The following LDLRAP1 variants were observed in gnomAD, a reference collection of about 807,000 sequenced individuals.
LDLRAP1 encodes low density lipoprotein receptor adapter protein 1.
In LDLRAP1, 30 loss-of-function variants were observed where a neutral mutation model predicts 37.8. The observed-to-expected ratio is 0.79, with a 90% CI of 0.59 to 1.08. The LOEUF is 1.08. LDLRAP1 is among the 50% of genes least tolerant of loss of function. LDLRAP1 has a pLI of 0.00. For synonymous variants in LDLRAP1, 156 were observed against 169.8 expected (o/e 0.92, Z 0.63); for missense variants, 375 against 401.6 (o/e 0.93, Z 0.57).
intron 5 of LDLRAP1, 174 bp from the exon 6 acceptor site, chr1:25,562,896 C>A: frequency 1.2e-6 from 1 of 814,028 alleles, no homozygotes; most frequent in Non-Finnish European, 2.1e-6. Flanking sequence ...AGCCGTCTCC[C>A]TCCCCAAAGG....
chr1:25,547,139 A>G (rs909878611), intron 1 of LDLRAP1, among the ~76,000 whole-genome samples: 1 of 152,160 alleles, frequency 6.6e-6, no homozygotes, highest in African/African-American at 2.4e-5. Context: ...GGCAGGAAAT[A>G]TTGTTAGGAC....
the LDLRAP1 span, among the ~76,000 whole-genome samples, chr1:25,580,128 G>A: frequency 6.6e-6 from 1 of 152,184 alleles, no homozygotes; most frequent in Non-Finnish European, 1.5e-5. Context: ...TACAGAAGAT[G>A]TCTGCTTCTG....
At chr1:25,547,907 G>C (rs1312413122) in intron 1 of LDLRAP1, among the ~76,000 whole-genome samples, 1 of 152,220 alleles carries the variant, frequency 6.6e-6, no homozygotes, top group Non-Finnish European at 1.5e-5. Context: ...TTGAACTGGA[G>C]GCTAGGACTC....
the LDLRAP1 span, among the ~76,000 whole-genome samples, chr1:25,577,540 A>G: frequency 6.6e-6 from 1 of 152,144 alleles, no homozygotes; most frequent in South Asian, 2.1e-4. Context: ...GCCAGAGATG[A>G]GCGTCGAGCC....
chr1:25,545,053 T>G (rs2043900455), intron 1 of LDLRAP1, among the ~76,000 whole-genome samples: 2 of 151,886 alleles, frequency 1.3e-5, no homozygotes. Flanking sequence ...TGGTGGGGGG[T>G]GGGGTCAGAG....
At chr1:25,590,292 A>G in the LDLRAP1 span, 1 of 152,230 alleles carries the variant, frequency 6.6e-6, no homozygotes, top group Non-Finnish European at 1.5e-5. Context: ...TTCCCTGCAG[A>G]CTGGCCTGGT....
chr1:25,563,868 A>C, intron 7 of LDLRAP1, 77 bp downstream of exon 7: 1 of 1,589,580 alleles, frequency 6.3e-7, no homozygotes, highest in Admixed American at 1.7e-5. Flanking sequence ...TCCAGGGACC[A>C]GGCCCTGGGA....
chr1:25,546,278 GCT>G (rs938927527), intron 1 of LDLRAP1, among the ~76,000 whole-genome samples: 6 of 152,164 alleles, frequency 3.9e-5, no homozygotes, highest in Non-Finnish European at 7.3e-5. Flanking sequence ...CTCGAACCCT[GCT>G]CTCAGTTGTG....
At chr1:25,585,113 A>ACG in the LDLRAP1 span, among the ~76,000 whole-genome samples, 2 of 152,086 alleles carry the variant, frequency 1.3e-5, no homozygotes, top group African/African-American at 4.8e-5. Flanking sequence ...GCAGAGCGGT[A>ACG]AGAGTTGAGG....
chr1:25,588,901 T>C, the LDLRAP1 span, among the ~76,000 whole-genome samples: 1 of 152,008 alleles, frequency 6.6e-6, no homozygotes, highest in African/African-American at 2.4e-5. Context: ...GCCTTGAGAG[T>C]GCCATTTCCA....
chr1:25,562,794 G>T, intron 5 of LDLRAP1, 78 bp downstream of exon 5: 1 of 1,291,592 alleles, frequency 7.7e-7, no homozygotes, highest in South Asian at 1.2e-5. Context: ...GACCTGGACC[G>T]ACTTCCTGCC....
Position 25,554,956 on chromosome 1 carries a change from A to G in LDLRAP1, c.328A>G (p.Asn110Asp), listed in dbSNP as rs573247742. The G allele has an allele frequency of 1.9e-6, 3 of 1,614,024 alleles. No homozygotes were observed. The South Asian group carries it at 3.3e-5, about 18-fold the overall frequency. Reference sequence around the variant, plus strand: ...CAACCTCACCAACCAGCTCATTGAGAACGTGTCCATATACAGGTACGCTCA... The same window carrying G: ...CAACCTCACCAACCAGCTCATTGAGGACGTGTCCATATACAGGTACGCTCA... ...TDNLTNQLIENVSIYRISYCT... is the reference protein window; with the variant it reads ...TDNLTNQLIEDVSIYRISYCT... Residue 110 changes from asparagine to aspartate, a missense_variant, in exon 3 of 9, where the codon AAC becomes GAC. Physicochemically the swap from Asn to Asp is conservative, Grantham distance 23. Coordinates refer to ENST00000374338, the MANE Select transcript of LDLRAP1 (RefSeq NM_015627.3). This position sits in a 1 kb window ranked among gnomAD's most constrained non-coding sequence, Gnocchi z 5.4.
At chr1:25,556,850 G>A (rs1323857493) in intron 3 of LDLRAP1, among the ~76,000 whole-genome samples, 1 of 152,228 alleles carries the variant, frequency 6.6e-6, no homozygotes, top group Non-Finnish European at 1.5e-5. Context: ...ACATTGCCTG[G>A]TATGTGGTAA....
chr1:25,546,194 C>G (rs1307569078), intron 1 of LDLRAP1, among the ~76,000 whole-genome samples: 1 of 152,128 alleles, frequency 6.6e-6, no homozygotes, highest in East Asian at 1.9e-4. Context: ...GGGTTGTGAC[C>G]CAGCCTGGCC....
At chr1:25,570,341 G>A (rs2044587220), downstream of LDLRAP1, among the ~76,000 whole-genome samples, 1 of 152,244 alleles carries the variant, frequency 6.6e-6, no homozygotes, top group Non-Finnish European at 1.5e-5. Context: ...TGAAGCCAGG[G>A]AGAACAAAGT....
At position 25,546,020 on chromosome 1, in the gene LDLRAP1, G is replaced by A. The variant is rs531536241; in HGVS notation, c.88+2234G>A. Among the ~76,000 whole-genome samples the A allele has an allele frequency of 5.2e-4, 79 of 152,296 alleles. No individual in the cohort carries two copies. In the South Asian group the frequency reaches 7.5e-3, roughly 14 times the overall value. Reference sequence around the variant, plus strand: ...AGAGGCAGAGCTCCACATTCCTAGCGCAGGGGTCTTACCAGTGTGCTTGGT... The same window carrying A: ...AGAGGCAGAGCTCCACATTCCTAGCACAGGGGTCTTACCAGTGTGCTTGGT... On this transcript the variant is annotated intron_variant, in intron 1 of 8. Transcript: ENST00000374338.
At chr1:25,563,283 A>G in intron 6 of LDLRAP1, 130 bp downstream of exon 6, 1 of 682,102 alleles carries the variant, frequency 1.5e-6, no homozygotes, top group Non-Finnish European at 2.5e-6. Context: ...AATAAATAAT[A>G]CACGTTCATT....
At chr1:25,564,145 C>T (rs2044418943) in intron 7 of LDLRAP1, 12 of 364,158 alleles carry the variant, frequency 3.3e-5, no homozygotes, top group South Asian at 2.6e-4. Context: ...TGAATGAGGA[C>T]CCAGAGACTT....
At chr1:25,578,886 A>T in the LDLRAP1 span, among the ~76,000 whole-genome samples, 1 of 152,204 alleles carries the variant, frequency 6.6e-6, no homozygotes, top group Admixed American at 6.5e-5. Flanking sequence ...TCTTTAAAGC[A>T]TCTTTCTGGA....
Sources: gnomAD v4.1 joint callset for allele counts (sites outside exome capture counted in the v4.1 genomes callset) on GRCh38, gnomAD v4.1.1 for gene constraint, Gnocchi (gnomAD v3.1) non-coding constraint, MANE v1.5 for transcripts, NCBI Gene and HGNC (gene_info 2026-07-23, HGNC 2026-07-21) for gene names.